ACOX3: variants seen among roughly 807,000 people sequenced by gnomAD.
The protein encoded by ACOX3 is peroxisomal acyl-coenzyme A oxidase 3.
A neutral mutation model predicts 81.5 loss-of-function variants in ACOX3; 73 were observed. The observed-to-expected ratio is 0.90, with a 90% confidence interval of 0.74 to 1.09. The LOEUF (loss-of-function observed/expected upper bound fraction) is 1.09. Among genes scored for constraint, ACOX3 ranks in the 50% least tolerant of loss-of-function variants. The pLI, the probability that ACOX3 is intolerant of heterozygous loss-of-function variation, is 0.00. For synonymous variants in ACOX3, 387 were observed against 375.1 expected, an observed-to-expected ratio of 1.03 and a Z score of -0.37; for missense variants, 947 against 928.0, an observed-to-expected ratio of 1.02 and a Z score of -0.27.
At position 8,368,455 on chromosome 4, in the gene ACOX3, C is replaced by T. The variant is rs575668434; in HGVS notation, c.1984-1375G>A. The stretch of plus-strand genomic sequence containing the variant: ...CTATTGTGTATCCAGCTTACGCTGA[C>T]CCATTTTATTGAGAAGAAACCCCTC... On this transcript the variant is annotated intron_variant, in intron 17 of 17. Transcript: ENST00000356406. The surrounding 1 kb of genome is among the most constrained non-coding windows in gnomAD (Gnocchi z 5.9). Among the ~76,000 whole-genome samples the T allele has an allele frequency of 3.0e-4, 45 of 152,352 alleles. No individual in the cohort carries two copies. In the East Asian group the frequency reaches 8.3e-3, roughly 28 times the overall value.
rs1253569202 is a variant in ACOX3 at position 8,385,087 on chromosome 4, C to T, written c.1538-3480G>A. Among the ~76,000 whole-genome samples the T allele has an allele frequency of 6.6e-6, 1 of 152,138 alleles. No individual in the cohort carries two copies. The highest frequency in any genetic ancestry group is 1.5e-5 in the Non-Finnish European group (1 of 68,010). On this transcript the variant is annotated intron_variant, in intron 13 of 17. Transcript: ENST00000356406. This position sits in a 1 kb window ranked among gnomAD's most constrained non-coding sequence, Gnocchi z 5.5. ...CCAGGTGGCATGGGGTGACCGCATTCCCTCCCCACTGTCTCGCAGAAGGAA... is the reference window on the plus strand; with the variant it reads ...CCAGGTGGCATGGGGTGACCGCATTTCCTCCCCACTGTCTCGCAGAAGGAA...
intron 1 of ACOX3, among the ~76,000 whole-genome samples, chr4:8,425,369 G>C (rs1723370928): frequency 1.3e-5 from 2 of 152,080 alleles, no homozygotes; most frequent in South Asian, 4.2e-4. Flanking sequence ...CGAGGACATA[G>C]TTTCTTCCCC....
intron 7 of ACOX3, among the ~76,000 whole-genome samples, chr4:8,401,068 C>A (rs1254675501): frequency 1.3e-5 from 2 of 151,920 alleles, no homozygotes; most frequent in Admixed American, 1.3e-4. Context: ...CGCCTTAGAT[C>A]CCTCACATGC....
chr4:8,425,086 TC>T (rs1723327641), intron 1 of ACOX3, among the ~76,000 whole-genome samples: 1 of 152,152 alleles, frequency 6.6e-6, no homozygotes, highest in Non-Finnish European at 1.5e-5. Flanking sequence ...ATTCCTAACT[TC>T]CGAGGGAACA....
intron 1 of ACOX3, among the ~76,000 whole-genome samples, chr4:8,426,270 C>T (rs1334523488): frequency 1.3e-5 from 2 of 150,898 alleles, no homozygotes; most frequent in East Asian, 3.9e-4. Context: ...CCCTCTAAGT[C>T]CCCACCCCTA....
intron 13 of ACOX3, among the ~76,000 whole-genome samples, chr4:8,387,660 G>A (rs1051930698): frequency 2.6e-5 from 4 of 152,208 alleles, no homozygotes; most frequent in East Asian, 1.9e-4. Flanking sequence ...CGGGTGGCAC[G>A]GAGGTGGGGG....
chr4:8,412,285 C>T (rs563056518), intron 5 of ACOX3, among the ~76,000 whole-genome samples: 1 of 152,390 alleles, frequency 6.6e-6, no homozygotes, highest in South Asian at 2.1e-4. Flanking sequence ...GCAGGGGCAC[C>T]CTGTGCGAGG....
intron 14 of ACOX3, among the ~76,000 whole-genome samples, chr4:8,377,562 G>A (rs1233397658): frequency 2.0e-5 from 3 of 152,324 alleles, no homozygotes; most frequent in Admixed American, 1.3e-4. Flanking sequence ...CTCACAGGAA[G>A]CGCCTGCGAT....
At chr4:8,377,294 G>C (rs115039822) in intron 14 of ACOX3, among the ~76,000 whole-genome samples, 1 of 152,144 alleles carries the variant, frequency 6.6e-6, no homozygotes, top group Admixed American at 6.5e-5. Context: ...TGCTGTGTTA[G>C]AGCGGCACTG....
intron 17 of ACOX3, 125 bp from the exon 18 acceptor site, chr4:8,367,205 C>T (rs827001): frequency 0.17 from 223,598 of 1,287,194 alleles, 20,388 homozygotes; most frequent in South Asian, 0.2. Flanking sequence ...TTCGGCTGGG[C>T]ACAGTGGCTC....
intron 6 of ACOX3, among the ~76,000 whole-genome samples, chr4:8,408,169 A>G (rs1721224268): frequency 6.6e-6 from 1 of 151,374 alleles, no homozygotes; most frequent in African/African-American, 2.4e-5. Context: ...ATAAAGAAAC[A>G]CTCAAAAAGG....
At chr4:8,373,340 C>T (rs1416239865) in intron 16 of ACOX3, among the ~76,000 whole-genome samples, 2 of 151,700 alleles carry the variant, frequency 1.3e-5, no homozygotes, top group Non-Finnish European at 2.9e-5. Flanking sequence ...TCATGGGTGA[C>T]GCTAAGGCGG....
At chr4:8,377,605 C>A (rs1484739547) in intron 14 of ACOX3, among the ~76,000 whole-genome samples, 1 of 152,198 alleles carries the variant, frequency 6.6e-6, no homozygotes, top group Non-Finnish European at 1.5e-5. Flanking sequence ...GCATCTCAGT[C>A]CCCAGGATTT....
chr4:8,435,456 A>G (rs1364958143), intron 1 of ACOX3, among the ~76,000 whole-genome samples: 2 of 152,114 alleles, frequency 1.3e-5, no homozygotes, highest in African/African-American at 4.8e-5. Flanking sequence ...AGATTGTGCC[A>G]CTGCACTCCA....
In ACOX3 at chr4:8,368,570, C is replaced by G. The variant is rs73085864; in HGVS notation, c.1984-1490G>C. On this transcript the variant is annotated intron_variant, in intron 17 of 17. Coordinates refer to ENST00000356406, the MANE Select transcript of ACOX3 (RefSeq NM_003501.3). The surrounding 1 kb of genome is among the most constrained non-coding windows in gnomAD (Gnocchi z 5.9). ...GACACAGACCCAGGCTGCTGCTCCACAGGGCCTAGGTTCCAGCTTATGTTT... is the reference window on the plus strand; with the variant it reads ...GACACAGACCCAGGCTGCTGCTCCAGAGGGCCTAGGTTCCAGCTTATGTTT... 6.6e-6 allele frequency among the ~76,000 whole-genome samples: 1 copy of G among 152,228 alleles called. No individual in the cohort carries two copies. The highest frequency in any genetic ancestry group is 1.5e-5 in the Non-Finnish European group (1 of 68,042).
At chr4:8,388,159 C>A (rs903089030) in intron 13 of ACOX3, among the ~76,000 whole-genome samples, 1 of 144,102 alleles carries the variant, frequency 6.9e-6, no homozygotes, top group Non-Finnish European at 1.6e-5. Context: ...CCCATGGCTG[C>A]CCCCGCCTTT....
rs1211528172 is a variant in ACOX3, at chr4:8,381,027, T to A, written c.1653+465A>T. 6.6e-6 allele frequency among the ~76,000 whole-genome samples: 1 copy of A among 152,144 alleles called. No homozygotes were observed. The highest frequency in any genetic ancestry group is 1.5e-5 in the Non-Finnish European group (1 of 68,026). ...AACATGAGAGACAGCCCTGTCCAAG[T>A]GTGAGAACCAAAGCGCTTTCCAAGG... On this transcript the variant is annotated intron_variant, in intron 14 of 17. Coordinates refer to ENST00000356406, the MANE Select transcript of ACOX3 (RefSeq NM_003501.3). This position sits in a 1 kb window ranked among gnomAD's most constrained non-coding sequence, Gnocchi z 4.3.
In ACOX3 at chr4:8,406,152, G is replaced by A. The variant is rs1042048291; in HGVS notation, c.688-109C>T. On this transcript the variant is annotated intron_variant, in intron 6 of 17. Transcript: ENST00000356406. The surrounding 1 kb of genome is among the most constrained non-coding windows in gnomAD (Gnocchi z 5.6). ...GTGGGCCATGGGCTCAACGCTGGGC[G>A]GCTGTGGGTTAAACCATCCTCCAGA... 3.3e-5 allele frequency: 34 copies of A among 1,036,138 alleles called. 3 individuals are homozygous for A. Among genetic ancestry groups the A allele is most frequent in the Admixed American group, 1.8e-4 (10 of 55,982 alleles). 64.2% of individuals were successfully genotyped at this position (1,036,138 alleles called of 1,614,324 possible).
At position 8,421,588 on chromosome 4, in the gene ACOX3, A is replaced by C. The variant is rs555770213; in HGVS notation, c.-14-5053T>G. On this transcript the variant is annotated intron_variant, in intron 1 of 17. Transcript: ENST00000356406. The stretch of plus-strand genomic sequence containing the variant: ...AGCCCCAAAATTCTCCTTACCTCTG[A>C]ATCTACTTCCTCTGATCCCTGCCTC... Among the ~76,000 whole-genome samples, 302 of 152,306 alleles carry C rather than the reference A, an allele frequency of 2.0e-3. 2 individuals carry two copies. Among genetic ancestry groups the C allele is most frequent in the African/African-American group, 6.8e-3 (282 of 41,556 alleles).
Sources: allele counts gnomAD v4.1 joint callset (sites outside exome capture counted in the v4.1 genomes callset), GRCh38; gene constraint gnomAD v4.1.1; non-coding constraint Gnocchi (gnomAD v3.1); transcripts MANE v1.5; gene names NCBI Gene and HGNC (gene_info 2026-07-23, HGNC 2026-07-21).